Variants in BMPR1B observed in about 807,000 individuals in gnomAD.
BMPR1B encodes the protein bone morphogenetic protein receptor type 1B, also known as bone morphogenetic protein receptor type-1B.
Under a neutral mutation model 59.1 loss-of-function variants are expected in BMPR1B, and 12 were observed. The observed-to-expected ratio is 0.20, with a 90% confidence interval of 0.13 to 0.33. The LOEUF (loss-of-function observed/expected upper bound fraction) is 0.33. Ranked by LOEUF, BMPR1B falls within the 10% of genes least tolerant of loss-of-function variation. The pLI is 1.00. For missense variants in BMPR1B, 550 were observed against 610.9 expected (o/e 0.90, Z 1.05); for synonymous variants, 237 against 207.3 (o/e 1.14, Z -1.23).
At chr4:95,018,190 A>T (rs1207993841) in intron 3 of BMPR1B, among the ~76,000 whole-genome samples, 1 of 152,188 alleles carries the variant, frequency 6.6e-6, no homozygotes. Flanking sequence ...TAAAATTCAC[A>T]TTTTAATTTG....
At chr4:94,916,383 C>A (rs772475881) in intron 2 of BMPR1B, among the ~76,000 whole-genome samples, 1 of 152,266 alleles carries the variant, frequency 6.6e-6, no homozygotes, top group South Asian at 2.1e-4. Flanking sequence ...GCCAGGCTGC[C>A]GAGGTCTCAA....
intron 1 of BMPR1B, among the ~76,000 whole-genome samples, chr4:94,801,989 T>A (rs1232913261): frequency 6.6e-6 from 1 of 152,240 alleles, no homozygotes; most frequent in Non-Finnish European, 1.5e-5. Context: ...AGGATTCTGT[T>A]ATTTCACTTT....
chr4:94,959,381 A>G (rs1012076440), intron 2 of BMPR1B, among the ~76,000 whole-genome samples: 1 of 151,992 alleles, frequency 6.6e-6, no homozygotes, highest in African/African-American at 2.4e-5. Context: ...AATTATTCCC[A>G]CCTCACCTCT....
chr4:94,867,484 G>A (rs937325635), intron 1 of BMPR1B, among the ~76,000 whole-genome samples: 2 of 152,086 alleles, frequency 1.3e-5, no homozygotes, highest in Non-Finnish European at 2.9e-5. Context: ...TCTTAATTCT[G>A]AGTTCTTCTA....
intron 3 of BMPR1B, among the ~76,000 whole-genome samples, chr4:95,049,726 GC>G (rs913417580): frequency 6.6e-6 from 1 of 151,498 alleles, no homozygotes; most frequent in Non-Finnish European, 1.5e-5. Context: ...TGCAATCTGG[GC>G]CCAGTCTGTT....
chr4:94,985,924 G>A (rs376669388), intron 2 of BMPR1B, among the ~76,000 whole-genome samples: 2 of 152,300 alleles, frequency 1.3e-5, no homozygotes, highest in East Asian at 3.9e-4. Flanking sequence ...ACTGTTAGGA[G>A]TTGGACCGTA....
intron 1 of BMPR1B, among the ~76,000 whole-genome samples, chr4:94,784,727 G>T (rs1022113832): frequency 6.6e-6 from 1 of 152,056 alleles, no homozygotes; most frequent in Non-Finnish European, 1.5e-5. Flanking sequence ...GATTCATTTG[G>T]CTCCCTTCTC....
At chr4:95,045,840 C>T (rs1035812703) in intron 3 of BMPR1B, among the ~76,000 whole-genome samples, 1 of 152,090 alleles carries the variant, frequency 6.6e-6, no homozygotes, top group South Asian at 2.1e-4. Context: ...TCAGTAGACA[C>T]GATCCCCCCA....
At chr4:94,801,027 T>G (rs1342351023) in intron 1 of BMPR1B, among the ~76,000 whole-genome samples, 1 of 152,174 alleles carries the variant, frequency 6.6e-6, no homozygotes, top group Non-Finnish European at 1.5e-5. Context: ...TTAAGCATGC[T>G]TAGGACAGAG....
rs1459082558 is a variant in BMPR1B, at chr4:95,071,650, G to GTATATATATATATATATATA, written c.-17-32757_-17-32756insATATATATATATATATATAT. Among the ~76,000 whole-genome samples, 252 of 78,324 alleles carry GTATATATATATATATATATA rather than the reference G, an allele frequency of 3.2e-3. 1 individual carries two copies. Among genetic ancestry groups the GTATATATATATATATATATA allele is most frequent in the Middle Eastern group, 8.8e-3 (1 of 114 alleles). The allele number at this position is 78,324 out of a possible 152,430, so 51.4% of individuals were successfully genotyped here. A position where few individuals can be genotyped will look rare whatever the true frequency, so the allele number is the denominator to read the frequency against. On this transcript the variant is annotated intron_variant, in intron 3 of 12. Coordinates refer to ENST00000515059, the MANE Select transcript of BMPR1B (RefSeq NM_001203.3). ...TGTGTGTTTGTGTGTGTGTGTGTGT[G>GTATATATATATATATATATA]TGTATATATATATATATATATATAT... is the stretch of plus-strand genomic sequence containing the variant.
At chr4:95,124,431 GATTA>G (rs1403204523) in intron 7 of BMPR1B, among the ~76,000 whole-genome samples, 7 of 151,770 alleles carry the variant, frequency 4.6e-5, no homozygotes, top group African/African-American at 1.4e-4. Flanking sequence ...TTTGCCTTTT[GATTA>G]ATTTATTACT....
At chr4:95,031,945 A>T (rs995171113) in intron 3 of BMPR1B, among the ~76,000 whole-genome samples, 2 of 151,974 alleles carry the variant, frequency 1.3e-5, no homozygotes, top group Non-Finnish European at 2.9e-5. Flanking sequence ...ATGGTAAAAT[A>T]CTGTAACATA....
chr4:95,149,394 TC>T (rs1287639914), intron 11 of BMPR1B, among the ~76,000 whole-genome samples: 1 of 152,110 alleles, frequency 6.6e-6, no homozygotes, highest in Non-Finnish European at 1.5e-5. Flanking sequence ...TTATAAAACT[TC>T]CCCATAAAGC....
At chr4:95,018,947 A>G (rs940920129) in intron 3 of BMPR1B, among the ~76,000 whole-genome samples, 6 of 152,154 alleles carry the variant, frequency 3.9e-5, no homozygotes, top group African/African-American at 1.4e-4. Flanking sequence ...CTATTTTGAT[A>G]ATCCTTGTCA....
At chr4:94,763,799 A>T (rs867359778) in intron 1 of BMPR1B, among the ~76,000 whole-genome samples, 1 of 152,330 alleles carries the variant, frequency 6.6e-6, no homozygotes, top group African/African-American at 2.4e-5. Flanking sequence ...AGTGAATTTT[A>T]TCTAACTAGT....
chr4:95,006,498 T>C (rs916811749), intron 3 of BMPR1B, among the ~76,000 whole-genome samples: 11 of 151,868 alleles, frequency 7.2e-5, no homozygotes, highest in African/African-American at 2.4e-4. Flanking sequence ...CTTACGATTA[T>C]GTAGGTTGGA....
At chr4:94,880,225 T>G (rs1726903732) in intron 2 of BMPR1B, among the ~76,000 whole-genome samples, 1 of 152,212 alleles carries the variant, frequency 6.6e-6, no homozygotes, top group African/African-American at 2.4e-5. Context: ...TGGCAGAGTT[T>G]CAGAGTACTG....
intron 4 of BMPR1B, among the ~76,000 whole-genome samples, chr4:95,114,479 C>T (rs1260588860): frequency 6.6e-6 from 1 of 152,054 alleles, no homozygotes; most frequent in Non-Finnish European, 1.5e-5. Context: ...ATGTTAGATC[C>T]TTCTTTTTCA....
At chr4:94,964,252 T>C (rs939686838) in intron 2 of BMPR1B, among the ~76,000 whole-genome samples, 2 of 152,194 alleles carry the variant, frequency 1.3e-5, no homozygotes, top group African/African-American at 4.8e-5. Flanking sequence ...TTTCTAAATA[T>C]ATCACCTACA....
Sources: allele counts gnomAD v4.1 joint callset (sites outside exome capture counted in the v4.1 genomes callset), GRCh38; gene constraint gnomAD v4.1.1; transcripts MANE v1.5; gene names NCBI Gene and HGNC (gene_info 2026-07-23, HGNC 2026-07-21).